ELOA: variants seen among roughly 807,000 people sequenced by gnomAD.
ELOA encodes the protein elongin-A.
Under a neutral mutation model 85.2 loss-of-function variants are expected in ELOA, and 15 were observed. The observed-to-expected ratio is 0.18, with a 90% CI of 0.12 to 0.27. ELOA has a LOEUF of 0.27. Ranked by LOEUF, ELOA falls within the 10% of genes least tolerant of loss-of-function variation. The probability of loss-of-function intolerance (pLI) is 1.00; values close to 1 mark genes in which losing one functional copy is unlikely to be tolerated. For synonymous variants in ELOA, 348 were observed against 357.2 expected, an observed-to-expected ratio of 0.97 and a Z score of 0.29; for missense variants, 769 against 952.7, an observed-to-expected ratio of 0.81 and a Z score of 2.54.
rs139768178 is a variant in ELOA at position 23,754,265 on chromosome 1, A to G, written c.1693+10A>G. 5.5e-5 allele frequency: 88 copies of G among 1,614,182 alleles called. No individual in the cohort carries two copies. The East Asian group carries it at 1.8e-3, about 34-fold the overall frequency. On this transcript the variant is annotated intron_variant, in intron 6 of 10. Coordinates refer to ENST00000613537, the MANE Select transcript of ELOA (RefSeq NM_003198.3). The stretch of plus-strand genomic sequence containing the variant: ...AAAAACAACATCGATTGTAAGTCAC[A>G]CGCTTCTCTCTAGCTCTCAAGCACA...
Position 23,743,584 on chromosome 1 carries a change from C to T in ELOA, c.75+6C>T, listed in dbSNP as rs1250044527. On this transcript the variant is annotated splice_donor_region_variant and intron_variant, in intron 1 of 10. Transcript: ENST00000613537. ...CGAACCCGGACCCTAAGAAGGTAAG[C>T]GAGGGGGCGGCGCGTAGCGGGATGG... is the stretch of plus-strand genomic sequence containing the variant. 6.7e-7 allele frequency: 1 copy of T among 1,482,114 alleles called. No individual in the cohort carries two copies. Among genetic ancestry groups the T allele is most frequent in the East Asian group, 3.0e-5 (1 of 33,854 alleles). 91.8% of individuals were successfully genotyped at this position (1,482,114 alleles called of 1,614,324 possible).
chr1:23,748,480 C>A (rs1331797279), intron 1 of ELOA, among the ~76,000 whole-genome samples: 1 of 152,166 alleles, frequency 6.6e-6, no homozygotes, highest in African/African-American at 2.4e-5. Context: ...CCGTTAACAT[C>A]CAAGCTCTGA....
intron 1 of ELOA, among the ~76,000 whole-genome samples, chr1:23,746,329 C>T (rs1464024884): frequency 3.3e-5 from 5 of 149,358 alleles, no homozygotes; most frequent in Non-Finnish European, 7.4e-5. Flanking sequence ...CACAGTTGGC[C>T]GGGCGCAGTG....
chr1:23,753,193 C>T (rs1644780215), intron 5 of ELOA, among the ~76,000 whole-genome samples: 1 of 152,116 alleles, frequency 6.6e-6, no homozygotes, highest in Non-Finnish European at 1.5e-5. Context: ...ATTTTTGATG[C>T]ATTTCCTAAG....
intron 4 of ELOA, 86 bp downstream of exon 4, chr1:23,752,116 TAG>T: frequency 7.4e-7 from 1 of 1,360,250 alleles, no homozygotes; most frequent in Middle Eastern, 2.0e-4. Flanking sequence ...CTGTTTTCCT[TAG>T]CTTGCTTTTG....
chr1:23,758,040 C>CTAAA (rs918094060), intron 10 of ELOA, among the ~76,000 whole-genome samples: 47 of 151,322 alleles, frequency 3.1e-4, no homozygotes, highest in Admixed American at 1.1e-3. Context: ...GACACTGTCT[C>CTAAA]TAAATAAATA....
intron 1 of ELOA, among the ~76,000 whole-genome samples, chr1:23,746,987 G>T (rs575329911): frequency 6.6e-6 from 1 of 152,242 alleles, no homozygotes; most frequent in African/African-American, 2.4e-5. Flanking sequence ...AAAATCTTGA[G>T]GGTTTTAGTT....
chr1:23,757,238 C>G, intron 10 of ELOA, 113 bp downstream of exon 10: 1 of 1,175,314 alleles, frequency 8.5e-7, no homozygotes, highest in South Asian at 1.8e-5. Context: ...GTACATGATG[C>G]CTTGCACATA....
chr1:23,750,822 G>C (rs1222084886), intron 3 of ELOA, 23 bp from the exon 4 acceptor site: 3 of 1,537,138 alleles, frequency 2.0e-6, no homozygotes, highest in Non-Finnish European at 2.6e-6. Context: ...GACCTACTTT[G>C]TCTGCTTTTT....
intron 4 of ELOA, among the ~76,000 whole-genome samples, 178 bp from the exon 5 acceptor site, chr1:23,752,229 G>A (rs1481665987): frequency 2.6e-5 from 4 of 152,212 alleles, no homozygotes; most frequent in Non-Finnish European, 5.9e-5. Context: ...TTATTCTCTT[G>A]TGATGGGCTC....
At chr1:23,757,965 T>G (rs890273148) in intron 10 of ELOA, among the ~76,000 whole-genome samples, 1 of 151,890 alleles carries the variant, frequency 6.6e-6, no homozygotes, top group Non-Finnish European at 1.5e-5. Flanking sequence ...TGCTTGAACC[T>G]GGCAGGCAGA....
intron 3 of ELOA, among the ~76,000 whole-genome samples, 188 bp from the exon 4 acceptor site, chr1:23,750,657 A>AGATGTGAG (rs1644765818): frequency 1.3e-5 from 2 of 152,144 alleles, no homozygotes; most frequent in South Asian, 4.2e-4. Flanking sequence ...TAAACTCACC[A>AGATGTGAG]TTTCTCATTT....
At chr1:23,753,157 CAAAA>C (rs756708055) in intron 5 of ELOA, among the ~76,000 whole-genome samples, 1 of 152,016 alleles carries the variant, frequency 6.6e-6, no homozygotes, top group Non-Finnish European at 1.5e-5. Context: ...CAAAAACAAA[CAAAA>C]AAACTATCAC....
chr1:23,744,113 C>T (rs1366555686), intron 1 of ELOA: 2 of 152,388 alleles, frequency 1.3e-5, no homozygotes, highest in Non-Finnish European at 2.9e-5. Context: ...GATATCAGAG[C>T]GTGGACCTTT....
At chr1:23,746,165 T>G (rs982263276) in intron 1 of ELOA, among the ~76,000 whole-genome samples, 5 of 149,940 alleles carry the variant, frequency 3.3e-5, no homozygotes, top group Non-Finnish European at 7.4e-5. Flanking sequence ...GGCAGGCGCC[T>G]GTAATCCCAG....
Position 23,759,718 on chromosome 1 carries a change from C to T in ELOA, c.*145C>T. 2 of 839,338 alleles carry T rather than the reference C, an allele frequency of 2.4e-6. No individual in the cohort carries two copies. Among genetic ancestry groups the T allele is most frequent in the South Asian group, 3.3e-5 (2 of 60,488 alleles). 52.0% of individuals were successfully genotyped at this position (839,338 alleles called of 1,614,324 possible). ...AGTCCTGCAGTCTGCAGGTGCTGCC[C>T]CTGGGAACCTGCGTGCCACAGCCCC... On this transcript the variant is annotated 3_prime_UTR_variant, in exon 11 of 11. Coordinates refer to ENST00000613537, the MANE Select transcript of ELOA (RefSeq NM_003198.3).
rs1490808818 is a variant in ELOA at position 23,758,251 on chromosome 1, ATTTATTTATTT to A, written c.2257+1130_2257+1140del. On this transcript the variant is annotated intron_variant, in intron 10 of 10. Transcript: ENST00000613537. ...TATATCTAATTGGGTCTTCCAATTT[ATTTATTTATTT>A]TTTTTTTTTTTTTTTTTTTTTTTTT... Among the ~76,000 whole-genome samples the A allele has an allele frequency of 3.2e-3, 156 of 48,518 alleles. 3 individuals are homozygous for A. The South Asian group carries it at 0.04, about 13-fold the overall frequency. 31.8% of individuals were successfully genotyped at this position (48,518 alleles called of 152,430 possible).
At position 23,751,419 on chromosome 1, in the gene ELOA, C is replaced by T. The variant is rs1405033049; in HGVS notation, c.814C>T (p.His272Tyr). The T allele has an allele frequency of 5.0e-6, 8 of 1,614,116 alleles. No individual in the cohort carries two copies. The highest frequency in any genetic ancestry group is 6.8e-6 in the Non-Finnish European group (8 of 1,180,028). ...KASVVSREKS[H>Y]KALSKEENRR... The stretch of plus-strand genomic sequence containing the variant: ...CTCTGTGGTGAGCAGAGAGAAATCA[C>T]ACAAGGCCCTCTCCAAAGAGGAGAA... The change falls in exon 4 of 11, where the codon CAC becomes TAC. Residue 272 changes from histidine (H) to tyrosine (Y), a missense_variant. Transcript: ENST00000613537.
At position 23,757,117 on chromosome 1, in the gene ELOA, C is replaced by A; in HGVS notation, c.2249C>A (p.Thr750Asn). The A allele has an allele frequency of 6.4e-7, 1 of 1,552,522 alleles. No individual in the cohort carries two copies. The change falls in exon 10 of 11, where the codon ACT becomes AAT. Residue 750 changes from threonine to asparagine, a missense_variant. Physicochemically the swap from Thr to Asn is moderately conservative, Grantham distance 65 (BLOSUM62 0). This residue lies in a region of ELOA where 116 missense variants were observed against 141.0 expected (regional missense o/e 0.82). Coordinates refer to ENST00000613537, the MANE Select transcript of ELOA (RefSeq NM_003198.3). The part of the protein sequence containing the change: ...STVSYDPRKP[T>N]VKKIAPMMAK... ...GTTTCCTATGATCCTAGGAAACCCACTGTGAAGAGTAAGTAACTTGGAGTT... is the reference window on the plus strand; with the variant it reads ...GTTTCCTATGATCCTAGGAAACCCAATGTGAAGAGTAAGTAACTTGGAGTT...
Sources: gnomAD v4.1 joint callset for allele counts (sites outside exome capture counted in the v4.1 genomes callset) on GRCh38, gnomAD v4.1.1 for gene constraint, gnomAD v4.1.1 regional missense constraint, MANE v1.5 for transcripts, NCBI Gene and HGNC (gene_info 2026-07-23, HGNC 2026-07-21) for gene names.